The following ELOVL6 variants were observed in gnomAD, a reference collection of about 807,000 sequenced individuals.
ELOVL6 encodes the protein very long chain fatty acid elongase 6.
A neutral mutation model predicts 31.7 loss-of-function variants in ELOVL6; 8 were observed. The observed-to-expected ratio is 0.25, with a 90% confidence interval of 0.15 to 0.45. The LOEUF is 0.45. ELOVL6 is among the 20% of genes least tolerant of loss of function. The pLI is 1.00. For synonymous variants in ELOVL6, 101 were observed against 117.7 expected, an observed-to-expected ratio of 0.86 and a Z score of 0.92; for missense variants, 126 against 326.4, an observed-to-expected ratio of 0.39 and a Z score of 4.73.
At chr4:110,169,756 T>A (rs1024110724) in intron 1 of ELOVL6, among the ~76,000 whole-genome samples, 3 of 152,048 alleles carry the variant, frequency 2.0e-5, no homozygotes, top group Non-Finnish European at 2.9e-5. Context: ...TTTTTATTTT[T>A]ATGAATTTAT....
At chr4:110,140,901 C>A (rs1235818984) in intron 1 of ELOVL6, among the ~76,000 whole-genome samples, 1 of 151,978 alleles carries the variant, frequency 6.6e-6, no homozygotes, top group Non-Finnish European at 1.5e-5. Flanking sequence ...ATACCCAAGA[C>A]TGGGCAATTT....
chr4:110,137,648 ATTT>A (rs968560516), intron 1 of ELOVL6, among the ~76,000 whole-genome samples: 1 of 152,158 alleles, frequency 6.6e-6, no homozygotes, highest in Non-Finnish European at 1.5e-5. Flanking sequence ...TAGAATGTGG[ATTT>A]TTTTAAGCAT....
intron 1 of ELOVL6, among the ~76,000 whole-genome samples, chr4:110,171,679 C>CTTTTTTTTTTTTTT (rs70956406): frequency 1.5e-5 from 1 of 66,176 alleles, no homozygotes; most frequent in Non-Finnish European, 2.8e-5. Context: ...ATAATATCCT[C>CTTTTTTTTTTTTTT]TTTTTTTTTT....
rs568698025 is a variant in ELOVL6, at chr4:110,048,598, G to T, written c.*2740C>A. On this transcript the variant is annotated 3_prime_UTR_variant, in exon 4 of 4. Coordinates refer to ENST00000302274, the MANE Select transcript of ELOVL6 (RefSeq NM_024090.3). ...CAATTCTCTGGTAGGTTTCAGATTT[G>T]TCATGGGCCAGTGATCCAGCCTCAT... The T allele has an allele frequency of 6.6e-6, 1 of 152,214 alleles. No individual in the cohort carries two copies. The highest frequency in any genetic ancestry group is 2.1e-4 in the South Asian group (1 of 4,814). The allele number at this position is 152,214 out of a possible 1,614,324, so 9.4% of individuals were successfully genotyped here. A position where few individuals can be genotyped will look rare whatever the true frequency, so the allele number is the denominator to read the frequency against.
intron 1 of ELOVL6, among the ~76,000 whole-genome samples, chr4:110,148,492 C>CG (rs1255739428): frequency 1.6e-5 from 1 of 64,044 alleles, no homozygotes; most frequent in African/African-American, 6.7e-5. Flanking sequence ...GGGGGTTGTG[C>CG]GGGGGAGGGG....
intron 1 of ELOVL6, among the ~76,000 whole-genome samples, chr4:110,197,329 C>G (rs1350958114): frequency 4.6e-5 from 7 of 152,240 alleles, no homozygotes; most frequent in Non-Finnish European, 7.3e-5. Flanking sequence ...CAAGGTGACA[C>G]TGGATCGCCT....
At position 110,198,609 on chromosome 4, in the gene ELOVL6, T is replaced by C; in HGVS notation, c.-274A>G. 1 of 391,140 alleles carries C rather than the reference T, an allele frequency of 2.6e-6. No homozygotes were observed. The highest frequency in any genetic ancestry group is 4.6e-6 in the Non-Finnish European group (1 of 217,482). The allele number at this position is 391,140 out of a possible 1,614,324, so 24.2% of individuals were successfully genotyped here. ...GTAGGAGGAAATGAATGCCTTGCGG[T>C]CTTAGTGCCCGCACGTTTGTCCATC... On this transcript the variant is annotated 5_prime_UTR_variant, in exon 1 of 4. Transcript: ENST00000302274.
intron 1 of ELOVL6, among the ~76,000 whole-genome samples, chr4:110,116,440 T>A (rs769529131): frequency 6.6e-6 from 1 of 152,166 alleles, no homozygotes; most frequent in Non-Finnish European, 1.5e-5. Context: ...TTATGGAGAT[T>A]GTCTTTAAGC....
intron 2 of ELOVL6, among the ~76,000 whole-genome samples, chr4:110,081,797 T>G (rs1194785149): frequency 6.8e-6 from 1 of 147,200 alleles, no homozygotes; most frequent in Non-Finnish European, 1.5e-5. Context: ...ACCATCAGAG[T>G]GAACAGGCAA....
intron 2 of ELOVL6, among the ~76,000 whole-genome samples, chr4:110,079,079 G>A (rs1755749255): frequency 6.6e-6 from 1 of 152,190 alleles, no homozygotes; most frequent in Admixed American, 6.5e-5. Context: ...GGAGCACCCA[G>A]ATTCATAAAG....
chr4:110,082,495 C>T (rs1482920063), intron 2 of ELOVL6, among the ~76,000 whole-genome samples: 2 of 151,632 alleles, frequency 1.3e-5, no homozygotes, highest in African/African-American at 4.9e-5. Context: ...ATCGCAAGGA[C>T]AAAAAACCAA....
chr4:110,098,069 T>A (rs1031904127), intron 2 of ELOVL6, among the ~76,000 whole-genome samples: 1 of 152,204 alleles, frequency 6.6e-6, no homozygotes, highest in African/African-American at 2.4e-5. Context: ...CTGACCTGCA[T>A]CGTATCTGTC....
chr4:110,063,736 C>T (rs1755213419), intron 2 of ELOVL6, among the ~76,000 whole-genome samples: 1 of 147,986 alleles, frequency 6.8e-6, no homozygotes, highest in Non-Finnish European at 1.5e-5. Context: ...TTTCCCAGCT[C>T]TATGGTCATA....
At chr4:110,190,675 T>C (rs1401617292) in intron 1 of ELOVL6, among the ~76,000 whole-genome samples, 1 of 151,952 alleles carries the variant, frequency 6.6e-6, no homozygotes, top group Non-Finnish European at 1.5e-5. Context: ...CGGCTAATTT[T>C]TGTAGTTTTA....
At chr4:110,089,836 G>A (rs1756370398) in intron 2 of ELOVL6, among the ~76,000 whole-genome samples, 1 of 152,166 alleles carries the variant, frequency 6.6e-6, no homozygotes, top group African/African-American at 2.4e-5. Context: ...CAGCCACAAT[G>A]GTGATGATGG....
chr4:110,186,355 C>A (rs1759440289), intron 1 of ELOVL6, among the ~76,000 whole-genome samples: 1 of 151,992 alleles, frequency 6.6e-6, no homozygotes, highest in Non-Finnish European at 1.5e-5. Context: ...GATAGCCTAC[C>A]CATCTCTCTC....
At chr4:110,053,869 G>A (rs1754901837) in intron 3 of ELOVL6, among the ~76,000 whole-genome samples, 2 of 152,080 alleles carry the variant, frequency 1.3e-5, no homozygotes, top group Admixed American at 6.5e-5. Flanking sequence ...AACCCGGGAG[G>A]TGGAGTTTGC....
intron 1 of ELOVL6, among the ~76,000 whole-genome samples, chr4:110,106,095 A>G (rs13435887): frequency 0.37 from 56,255 of 152,102 alleles, 13,028 homozygotes; most frequent in East Asian, 0.71. Context: ...GGTGGCTCAC[A>G]CCTGTTATCC....
At chr4:110,168,494 G>A (rs945868106) in intron 1 of ELOVL6, among the ~76,000 whole-genome samples, 6 of 152,072 alleles carry the variant, frequency 3.9e-5, no homozygotes, top group African/African-American at 1.4e-4. Context: ...ACTCCAGCCT[G>A]GGCGACAGAG....
Sources: allele counts gnomAD v4.1 joint callset (sites outside exome capture counted in the v4.1 genomes callset), GRCh38; gene constraint gnomAD v4.1.1; transcripts MANE v1.5; gene names NCBI Gene and HGNC (gene_info 2026-07-23, HGNC 2026-07-21).